COL5A2: variants seen among roughly 807,000 people sequenced by gnomAD.
The protein encoded by COL5A2 is collagen alpha-2(V) chain.
In COL5A2, 23 loss-of-function variants were observed where a neutral mutation model predicts 208.2. That is an observed-to-expected ratio of 0.11 (90% CI 0.08 to 0.16). COL5A2 has a LOEUF of 0.16. Among genes scored for constraint, COL5A2 ranks in the 10% least tolerant of loss-of-function variants. The pLI is 1.00. For synonymous variants in COL5A2, 625 were observed against 628.5 expected (o/e 0.99, Z 0.08); for missense variants, 1,590 against 1,956.4 (o/e 0.81, Z 3.53).
chr2:189,437,201 G>T, the COL5A2 span, among the ~76,000 whole-genome samples: 1 of 152,156 alleles, frequency 6.6e-6, no homozygotes, highest in Admixed American at 6.5e-5. Context: ...GAGATAATTA[G>T]AAATATATGA....
chr2:189,318,536 T>A, the COL5A2 span, among the ~76,000 whole-genome samples: 5,535 of 152,266 alleles, frequency 0.036, 117 homozygotes, highest in Admixed American at 0.05. Flanking sequence ...CAAGAATCCC[T>A]TTCAACTGGA....
chr2:189,429,267 T>TA, the COL5A2 span, among the ~76,000 whole-genome samples: 4 of 151,990 alleles, frequency 2.6e-5, no homozygotes, highest in Non-Finnish European at 5.9e-5. Context: ...GTGTTAAATT[T>TA]AAAAAAAAGA....
At chr2:189,062,822 GTATA>G in intron 29 of COL5A2, 39 bp downstream of exon 29, 1 of 1,606,446 alleles carries the variant, frequency 6.2e-7, no homozygotes, top group Non-Finnish European at 8.5e-7. Flanking sequence ...TGCAATGTGT[GTATA>G]TATATATTCT....
chr2:189,140,151 C>T (rs1452018663), intron 1 of COL5A2, among the ~76,000 whole-genome samples: 1 of 151,946 alleles, frequency 6.6e-6, no homozygotes, highest in African/African-American at 2.4e-5. Context: ...CTATAATTCT[C>T]CAGTTATAAA....
chr2:189,378,601 G>A, the COL5A2 span, among the ~76,000 whole-genome samples: 2 of 152,058 alleles, frequency 1.3e-5, no homozygotes, highest in South Asian at 4.2e-4. Flanking sequence ...GTGGGTGCCT[G>A]TGGTCCCAGC....
At chr2:189,127,687 T>C (rs1382717435) in intron 1 of COL5A2, among the ~76,000 whole-genome samples, 1 of 151,968 alleles carries the variant, frequency 6.6e-6, no homozygotes, top group African/African-American at 2.4e-5. Context: ...AATAAGTATG[T>C]GTTATTTAGA....
the COL5A2 span, among the ~76,000 whole-genome samples, chr2:189,435,568 A>G: frequency 5.3e-5 from 8 of 152,230 alleles, no homozygotes; most frequent in Admixed American, 3.3e-4. Flanking sequence ...CAACACACAC[A>G]TGAAAAAATG....
At chr2:189,135,352 C>T (rs1262704531) in intron 1 of COL5A2, among the ~76,000 whole-genome samples, 1 of 152,136 alleles carries the variant, frequency 6.6e-6, no homozygotes, top group Admixed American at 6.5e-5. Flanking sequence ...TATTGCCACA[C>T]AGTCAGTTGT....
At chr2:189,403,679 T>G in the COL5A2 span, among the ~76,000 whole-genome samples, 1 of 152,266 alleles carries the variant, frequency 6.6e-6, no homozygotes, top group Non-Finnish European at 1.5e-5. Flanking sequence ...GATAATCATG[T>G]AGCTTTTGCC....
the COL5A2 span, among the ~76,000 whole-genome samples, chr2:189,331,263 G>A: frequency 1.3e-5 from 2 of 152,204 alleles, no homozygotes; most frequent in African/African-American, 4.8e-5. Flanking sequence ...AGGTGCAGTG[G>A]CTCACACCTG....
intron 1 of COL5A2, among the ~76,000 whole-genome samples, chr2:189,205,046 A>G (rs918019693): frequency 6.6e-6 from 1 of 152,154 alleles, no homozygotes; most frequent in African/African-American, 2.4e-5. Flanking sequence ...GTGACACTTG[A>G]TCTCTGTTTC....
chr2:189,104,314 G>A (rs1201131789), intron 2 of COL5A2, 37 bp from the exon 3 acceptor site: 3 of 1,363,034 alleles, frequency 2.2e-6, no homozygotes, highest in South Asian at 1.2e-5. Context: ...TATTTTATGA[G>A]GAAACAATTA....
At chr2:189,155,487 C>T (rs1367326718) in intron 1 of COL5A2, among the ~76,000 whole-genome samples, 2 of 152,090 alleles carry the variant, frequency 1.3e-5, no homozygotes, top group Non-Finnish European at 2.9e-5. Context: ...ATGATGATAG[C>T]AATGTTCTAT....
chr2:189,357,930 C>T, the COL5A2 span, among the ~76,000 whole-genome samples: 1 of 152,080 alleles, frequency 6.6e-6, no homozygotes, highest in Non-Finnish European at 1.5e-5. Context: ...CCAGAGTGCA[C>T]TGTTCCTCAT....
intron 3 of COL5A2, among the ~76,000 whole-genome samples, chr2:189,101,273 T>C (rs991563061): frequency 6.6e-6 from 1 of 152,008 alleles, no homozygotes; most frequent in Non-Finnish European, 1.5e-5. Flanking sequence ...TTTAATCTGA[T>C]TATAAAAATA....
At chr2:189,054,108 C>T (rs758168139) in intron 36 of COL5A2, 51 bp downstream of exon 36, 1 of 1,500,500 alleles carries the variant, frequency 6.7e-7, no homozygotes. Flanking sequence ...AAAGAGCCTG[C>T]TATTCAGGAC....
intron 36 of COL5A2, 55 bp downstream of exon 36, chr2:189,054,104 C>A: frequency 1.3e-6 from 2 of 1,491,778 alleles, no homozygotes; most frequent in Non-Finnish European, 1.9e-6. Flanking sequence ...TATGAAAGAG[C>A]CTGCTATTCA....
At chr2:189,325,656 CA>C in the COL5A2 span, among the ~76,000 whole-genome samples, 1 of 152,128 alleles carries the variant, frequency 6.6e-6, no homozygotes, top group African/African-American at 2.4e-5. Context: ...GTATTTCTCT[CA>C]TTGATAGCAA....
At chr2:189,057,128 C>A (rs775421176) in intron 34 of COL5A2, 102 bp from the exon 35 acceptor site, 15 of 1,339,412 alleles carry the variant, frequency 1.1e-5, no homozygotes, top group Admixed American at 1.7e-5. Flanking sequence ...TTTTCCTAGT[C>A]GTATCCAGGT....
Sources: allele counts gnomAD v4.1 joint callset (sites outside exome capture counted in the v4.1 genomes callset), GRCh38; gene constraint gnomAD v4.1.1; transcripts MANE v1.5; gene names NCBI Gene and HGNC (gene_info 2026-07-23, HGNC 2026-07-21).